PRKCI: variants seen among roughly 807,000 people sequenced by gnomAD.
PRKCI encodes protein kinase C iota.
A neutral mutation model predicts 84.0 loss-of-function variants in PRKCI; 43 were observed. That is an observed-to-expected ratio of 0.51 (90% CI 0.40 to 0.66). The LOEUF (loss-of-function observed/expected upper bound fraction) is 0.66, where lower values mean the gene tolerates loss of function less well. Ranked by LOEUF, PRKCI falls within the 30% of genes least tolerant of loss-of-function variation. The pLI is 0.00. For missense variants in PRKCI, 459 were observed against 745.6 expected, an observed-to-expected ratio of 0.62 and a Z score of 4.48; for synonymous variants, 216 against 234.4, an observed-to-expected ratio of 0.92 and a Z score of 0.72.
chr3:170,251,398 G>T (rs1421913383), intron 2 of PRKCI, among the ~76,000 whole-genome samples: 1 of 152,088 alleles, frequency 6.6e-6, no homozygotes, highest in African/African-American at 2.4e-5. Flanking sequence ...ACAACTGAGA[G>T]AAAATATTTG....
At position 170,304,554 on chromosome 3, in the gene PRKCI, A is replaced by G. The variant is rs540182898; in HGVS notation, c.*1427A>G. The G allele has an allele frequency of 3.3e-5, 5 of 152,308 alleles. No homozygotes were observed. The highest frequency in any genetic ancestry group is 4.1e-4 in the South Asian group (2 of 4,832). 9.4% of individuals were successfully genotyped at this position (152,308 alleles called of 1,614,324 possible). ...ATAAAGTAGGCATGAATAAATGTTC[A>G]GGACACACACATACACTCACACACA... On this transcript the variant is annotated 3_prime_UTR_variant, in exon 18 of 18. Coordinates refer to ENST00000295797, the MANE Select transcript of PRKCI (RefSeq NM_002740.6).
intron 2 of PRKCI, among the ~76,000 whole-genome samples, chr3:170,255,298 G>A (rs1414029903): frequency 2.0e-5 from 3 of 152,032 alleles, no homozygotes; most frequent in African/African-American, 7.2e-5. Flanking sequence ...GACCTCAGGT[G>A]ATCCTCCCAC....
chr3:170,277,731 T>C (rs1734153033), intron 8 of PRKCI, among the ~76,000 whole-genome samples: 1 of 152,188 alleles, frequency 6.6e-6, no homozygotes, highest in South Asian at 2.1e-4. Flanking sequence ...ATAACACTTT[T>C]ACTGTTTCTC....
chr3:170,247,030 C>T (rs748032504), intron 2 of PRKCI, among the ~76,000 whole-genome samples: 19 of 150,616 alleles, frequency 1.3e-4, no homozygotes, highest in Non-Finnish European at 1.9e-4. Flanking sequence ...TATCAACTTC[C>T]TTTCTGTATG....
At chr3:170,230,804 T>C (rs1461184143) in intron 1 of PRKCI, among the ~76,000 whole-genome samples, 2 of 152,188 alleles carry the variant, frequency 1.3e-5, no homozygotes, top group African/African-American at 2.4e-5. Flanking sequence ...ATGTACTAAA[T>C]TTCCCACAAT....
intron 1 of PRKCI, among the ~76,000 whole-genome samples, chr3:170,226,458 T>C (rs1168528458): frequency 6.6e-6 from 1 of 152,180 alleles, no homozygotes; most frequent in Non-Finnish European, 1.5e-5. Context: ...TACTTGCTAT[T>C]ATGGGATAGA....
intron 12 of PRKCI, chr3:170,291,622 A>G (rs1368016799): frequency 7.7e-6 from 3 of 388,632 alleles, no homozygotes; most frequent in South Asian, 2.9e-5. Flanking sequence ...GCTTGAACCC[A>G]GGAGGTGGAG....
intron 17 of PRKCI, among the ~76,000 whole-genome samples, chr3:170,301,628 C>T (rs1342731946): frequency 2.6e-5 from 4 of 152,096 alleles, no homozygotes; most frequent in Non-Finnish European, 5.9e-5. Context: ...CTGCAGCTGC[C>T]AAGTCTTTGT....
chr3:170,232,787 C>T (rs1221830356), intron 1 of PRKCI, among the ~76,000 whole-genome samples: 7 of 152,118 alleles, frequency 4.6e-5, no homozygotes, highest in African/African-American at 9.7e-5. Context: ...GTGATCCTCC[C>T]GCCTCAGCAT....
intron 1 of PRKCI, among the ~76,000 whole-genome samples, chr3:170,233,948 T>C (rs1001019826): frequency 6.6e-6 from 1 of 151,746 alleles, no homozygotes; most frequent in African/African-American, 2.4e-5. Context: ...TTCGAACTCC[T>C]GACCTCTAGT....
chr3:170,266,326 A>G (rs781158518), intron 4 of PRKCI, among the ~76,000 whole-genome samples: 18 of 152,210 alleles, frequency 1.2e-4, no homozygotes, highest in Non-Finnish European at 8.8e-5. Context: ...TACCTTTACA[A>G]TGAAGAGATC....
chr3:170,305,904 A>G lies in PRKCI; in HGVS notation c.*2777A>G, dbSNP rs1371840507. ...CATGTAGAATACTACTGTGGTCATC[A>G]TAATGTAATCTATTTCTGTACCTTT... On this transcript the variant is annotated 3_prime_UTR_variant, in exon 18 of 18. Transcript: ENST00000295797. 1 of 150,768 alleles carries G rather than the reference A, an allele frequency of 6.6e-6. No individual in the cohort carries two copies. The highest frequency in any genetic ancestry group is 1.5e-5 in the Non-Finnish European group (1 of 67,808). The allele number at this position is 150,768 out of a possible 1,614,324, so 9.3% of individuals were successfully genotyped here. A position where few individuals can be genotyped will look rare whatever the true frequency, so the allele number is the denominator to read the frequency against.
intron 2 of PRKCI, among the ~76,000 whole-genome samples, chr3:170,237,949 T>C (rs1477480067): frequency 2.6e-5 from 4 of 152,204 alleles, no homozygotes; most frequent in African/African-American, 9.6e-5. Context: ...TTCTATAAAT[T>C]CTTTATTAAC....
intron 2 of PRKCI, among the ~76,000 whole-genome samples, chr3:170,250,143 C>G (rs1417486654): frequency 6.6e-6 from 1 of 151,662 alleles, no homozygotes; most frequent in Non-Finnish European, 1.5e-5. Flanking sequence ...CGTGGTGGCA[C>G]ACACCTGTAA....
chr3:170,287,866 G>C lies in PRKCI; in HGVS notation c.1203+3270G>C, dbSNP rs373646824. Among the ~76,000 whole-genome samples, 10 of 139,692 alleles carry C rather than the reference G, an allele frequency of 7.2e-5. No homozygotes were observed. In the East Asian group the frequency reaches 1.0e-3, roughly 14 times the overall value. 91.6% of individuals were successfully genotyped at this position (139,692 alleles called of 152,430 possible). A position where few individuals can be genotyped will look rare whatever the true frequency, so the allele number is the denominator to read the frequency against. On this transcript the variant is annotated intron_variant, in intron 12 of 17. Coordinates refer to ENST00000295797, the MANE Select transcript of PRKCI (RefSeq NM_002740.6). The stretch of plus-strand genomic sequence containing the variant: ...AGAGGTTGCAGTGAGTGGAGATTGT[G>C]CCACTGCACTCCAGTCTGGGTGACA...
rs374370739 is a variant in PRKCI at position 170,303,089 on chromosome 3, A to G, written c.1753A>G (p.Ile585Val). Residue 585 changes from isoleucine to valine, a missense_variant, in exon 18 of 18, where the codon ATC becomes GTC. Coordinates refer to ENST00000295797, the MANE Select transcript of PRKCI (RefSeq NM_002740.6). ...GTCTGAATTTGAAGGTTTTGAGTAT[A>G]TCAATCCTCTTTTGATGTCTGCAGA... ...DQSEFEGFEYINPLLMSAEEC... is the reference protein window; with the variant it reads ...DQSEFEGFEYVNPLLMSAEEC... 2.5e-6 allele frequency: 4 copies of G among 1,605,850 alleles called. No individual in the cohort carries two copies. Among genetic ancestry groups the G allele is most frequent in the Middle Eastern group, 2.3e-4 (1 of 4,412 alleles).
At chr3:170,292,780 A>AC (rs1734587097) in intron 13 of PRKCI, among the ~76,000 whole-genome samples, 1 of 151,330 alleles carries the variant, frequency 6.6e-6, no homozygotes, top group South Asian at 2.1e-4. Context: ...GGTGGCTCAC[A>AC]CCTGTAATCC....
At chr3:170,300,456 T>C (rs1734793335) in intron 17 of PRKCI, among the ~76,000 whole-genome samples, 1 of 152,088 alleles carries the variant, frequency 6.6e-6, no homozygotes, top group African/African-American at 2.4e-5. Flanking sequence ...TATTAGACCT[T>C]CTTTATTTTT....
chr3:170,276,827 A>C (rs909402709), intron 8 of PRKCI, among the ~76,000 whole-genome samples: 8 of 152,192 alleles, frequency 5.3e-5, no homozygotes, highest in Non-Finnish European at 1.0e-4. Flanking sequence ...CAGCAAAAGA[A>C]TCCACCAATA....
Sources: gnomAD v4.1 joint callset for allele counts (sites outside exome capture counted in the v4.1 genomes callset) on GRCh38, gnomAD v4.1.1 for gene constraint, MANE v1.5 for transcripts, NCBI Gene and HGNC (gene_info 2026-07-23, HGNC 2026-07-21) for gene names.